Variants in CTU2 observed in about 807,000 individuals in gnomAD.
The protein encoded by CTU2 is cytoplasmic tRNA 2-thiolation protein 2.
In CTU2, 80 loss-of-function variants were observed where a neutral mutation model predicts 64.1. The observed-to-expected ratio is 1.25, with a 90% CI of 1.04 to 1.50. CTU2 has a LOEUF of 1.50. Ranked by LOEUF, CTU2 falls within the 40% of genes most tolerant of loss-of-function variation. The pLI is 0.00. For missense variants in CTU2, 1,110 were observed against 690.2 expected (o/e 1.61, Z -6.81); for synonymous variants, 482 against 285.3 (o/e 1.69, Z -6.95).
Position 88,711,624 on chromosome 16 carries a change from T to G in CTU2, c.283-11T>G. On this transcript the variant is annotated splice_polypyrimidine_tract_variant and intron_variant, in intron 4 of 14. Coordinates refer to ENST00000453996, the MANE Select transcript of CTU2 (RefSeq NM_001012759.3). ...GGCTGGGGGCTGAGTCCCTGCTGCT[T>G]CTCCCTCTAGGGCCTGAGCCAAGAT... The G allele has an allele frequency of 6.3e-7, 1 of 1,592,992 alleles. No individual in the cohort carries two copies. The highest frequency in any genetic ancestry group is 2.3e-5 in the East Asian group (1 of 44,084).
In CTU2 at chr16:88,713,447, G is replaced by C; in HGVS notation, c.873G>C (p.Thr291=). The change falls in exon 8 of 15, where the codon ACG becomes ACC. Residue 291 remains threonine (T), a splice_region_variant and synonymous_variant. Coordinates refer to ENST00000453996, the MANE Select transcript of CTU2 (RefSeq NM_001012759.3). ...GAGGGGCCTTCCTGGCCTGGGATAC[G>C]GTAGGCAGGGGCCTGGGTGTTCAGG... is the stretch of plus-strand genomic sequence containing the variant. ...LGRGAFLAWD[T]GFSDERHGDV... The C allele has an allele frequency of 6.3e-7, 1 of 1,575,520 alleles. No individual in the cohort carries two copies.
intron 6 of CTU2, 87 bp from the exon 7 acceptor site, chr16:88,712,534 CG>C (rs1911416251): frequency 6.5e-7 from 1 of 1,531,680 alleles, no homozygotes; most frequent in Non-Finnish European, 8.8e-7. Context: ...GCCTCACTGC[CG>C]TCTCCCGCAT....
chr16:88,711,346 C>T (rs72811470), intron 4 of CTU2, among the ~76,000 whole-genome samples: 17,356 of 152,102 alleles, frequency 0.11, 1,220 homozygotes, highest in Admixed American at 0.17. Context: ...ACCCAGCCCC[C>T]TCTCCTGGGG....
intron 2 of CTU2, among the ~76,000 whole-genome samples, chr16:88,708,672 C>T (rs752391513): frequency 1.3e-5 from 2 of 152,098 alleles, no homozygotes; most frequent in African/African-American, 2.4e-5. Context: ...GGGGGTCATT[C>T]GGCCTCTTGT....
At chr16:88,706,992 A>G in intron 1 of CTU2, 144 bp from the exon 2 acceptor site, 1 of 758,304 alleles carries the variant, frequency 1.3e-6, no homozygotes, top group South Asian at 1.7e-5. Context: ...TGGACAGAAC[A>G]CAAGCCTGGG....
At chr16:88,707,082 C>T (rs1910920671) in intron 1 of CTU2, 54 bp from the exon 2 acceptor site, 7 of 1,544,800 alleles carry the variant, frequency 4.5e-6, no homozygotes, top group Admixed American at 1.7e-5. Context: ...GCCCACTAGG[C>T]GTGGGGAAGA....
At position 88,710,623 on chromosome 16, in the gene CTU2, A is replaced by G. The variant is rs2142715328; in HGVS notation, c.282+341A>G. On this transcript the variant is annotated intron_variant, in intron 4 of 14. Transcript: ENST00000453996. Reference sequence around the variant, plus strand: ...CAGTGCGTGTGTGCGGCCCACTCTCAGATGTGTTTACAGCAGGTGCACCAA... The same window carrying G: ...CAGTGCGTGTGTGCGGCCCACTCTCGGATGTGTTTACAGCAGGTGCACCAA... The G allele has an allele frequency of 9.8e-6, 3 of 306,200 alleles. 1 individual carries two copies. In the South Asian group the frequency reaches 1.3e-4, roughly 13 times the overall value. 19.0% of individuals were successfully genotyped at this position (306,200 alleles called of 1,614,324 possible).
intron 3 of CTU2, 36 bp downstream of exon 3, chr16:88,710,052 C>CT (rs1911191226): frequency 6.2e-7 from 1 of 1,609,446 alleles, no homozygotes; most frequent in Non-Finnish European, 8.5e-7. Flanking sequence ...ACTGAGCAGC[C>CT]TGGCCCCTCG....
At chr16:88,711,718 C>G (rs765683133) in intron 5 of CTU2, 23 bp downstream of exon 5, 1 of 1,601,550 alleles carries the variant, frequency 6.2e-7, no homozygotes. Context: ...ATTGCTCCTC[C>G]TAGTCCCTGG....
intron 4 of CTU2, 110 bp from the exon 5 acceptor site, chr16:88,711,525 C>A: frequency 1.8e-6 from 2 of 1,109,462 alleles, no homozygotes; most frequent in Admixed American, 2.3e-5. Flanking sequence ...CAGGGGAAGA[C>A]CACTTCACCT....
At chr16:88,708,414 G>A (rs1361408660) in intron 2 of CTU2, among the ~76,000 whole-genome samples, 1 of 151,808 alleles carries the variant, frequency 6.6e-6, no homozygotes, top group Non-Finnish European at 1.5e-5. Flanking sequence ...GACGCAGCAT[G>A]TACACGTGGA....
At chr16:88,711,495 T>G in intron 4 of CTU2, 140 bp from the exon 5 acceptor site, 1 of 831,890 alleles carries the variant, frequency 1.2e-6, no homozygotes, top group Non-Finnish European at 1.8e-6. Flanking sequence ...CTGAATGGCT[T>G]TGTCCAATAA....
rs762193182 is a variant in CTU2, at chr16:88,709,977, C to T, written c.183C>T (p.Ala61=). 2 of 1,614,000 alleles carry T rather than the reference C, an allele frequency of 1.2e-6. No individual in the cohort carries two copies. The highest frequency in any genetic ancestry group is 1.1e-5 in the South Asian group (1 of 91,088). ...CCTTCTACGTCCACAAGTTCAGAGCCATGCTGGGCAAGAACCGGCTCATCT... is the reference window on the plus strand; with the variant it reads ...CCTTCTACGTCCACAAGTTCAGAGCTATGCTGGGCAAGAACCGGCTCATCT... The part of the protein sequence containing the change: ...FKAFYVHKFR[A]MLGKNRLIFP... The change falls in exon 3 of 15, where the codon GCC becomes GCT. Residue 61 remains alanine (A), a synonymous_variant. Coordinates refer to ENST00000453996, the MANE Select transcript of CTU2 (RefSeq NM_001012759.3).
Position 88,714,697 on chromosome 16 carries a change from G to A in CTU2, c.1312G>A (p.Val438Met), listed in dbSNP as rs532092347. ...CCCGGGGCCCTGCTGTTCTCCAGGG[G>A]TGGGCTGGGCCCAGCGCTGTGGCCA... ...TPPGPCCSPG[V>M]GWAQRCGQGA... The change falls in exon 12 of 15, where the codon GTG becomes ATG. Residue 438 changes from valine (V) to methionine (M), a missense_variant. Coordinates refer to ENST00000453996, the MANE Select transcript of CTU2 (RefSeq NM_001012759.3). The A allele has an allele frequency of 1.5e-5, 24 of 1,611,740 alleles. No individual in the cohort carries two copies. The South Asian group carries it at 2.3e-4, about 15-fold the overall frequency.
chr16:88,714,227 GGTGTGGGTGT>G lies in CTU2; in HGVS notation c.1097+14_1097+23del, dbSNP rs1555551063. 0.013 allele frequency: 5,338 copies of G among 418,644 alleles called. 117 individuals carry two copies. The highest frequency in any genetic ancestry group is 0.12 in the African/African-American group (3,744 of 30,456). The allele number at this position is 418,644 out of a possible 1,614,324, so 25.9% of individuals were successfully genotyped here. The stretch of plus-strand genomic sequence containing the variant: ...CCCTCCACTGTCAGCACTGTGTACA[GGTGTGGGTGT>G]GTGTGGGTGTGTGCGGGGGGTGCGC... On this transcript the variant is annotated splice_donor_variant and splice_donor_5th_base_variant and intron_variant, in intron 10 of 14. Coordinates refer to ENST00000453996, the MANE Select transcript of CTU2 (RefSeq NM_001012759.3). LOFTEE classifies it high-confidence loss of function.
rs563558297 is a variant in CTU2 at position 88,713,859 on chromosome 16, C to T, written c.1005+81C>T. 5.2e-4 allele frequency: 810 copies of T among 1,560,916 alleles called. 1 individual carries two copies. The highest frequency in any genetic ancestry group is 6.1e-4 in the Non-Finnish European group (692 of 1,141,780). ...TGGGCTGGGCAGCCTCTCACAGGCT[C>T]AGGTCACCAGCACACCTTCAGTGAC... On this transcript the variant is annotated intron_variant, in intron 9 of 14. Transcript: ENST00000453996.
At chr16:88,708,142 A>G (rs1424129496) in intron 2 of CTU2, among the ~76,000 whole-genome samples, 1 of 152,144 alleles carries the variant, frequency 6.6e-6, no homozygotes, top group African/African-American at 2.4e-5. Context: ...ACCACCCAGG[A>G]GCATCTGAAA....
rs942912304 is a variant in CTU2, at chr16:88,714,225, C to A, written c.1095C>A (p.Tyr365Ter). The A allele has an allele frequency of 1.4e-6, 2 of 1,471,872 alleles. No individual in the cohort carries two copies. The highest frequency in any genetic ancestry group is 2.1e-5 in the Admixed American group (1 of 47,998). The allele number at this position is 1,471,872 out of a possible 1,614,324, so 91.2% of individuals were successfully genotyped here. ...TQFPSTVSTV[Y>*]RTSEKLVKGP... The stretch of plus-strand genomic sequence containing the variant: ...TCCCCTCCACTGTCAGCACTGTGTA[C>A]AGGTGTGGGTGTGTGTGGGTGTGTG... The change falls in exon 10 of 15, where the codon TAC (tyrosine) becomes TAA (stop). Residue 365 changes from tyrosine to a stop codon, truncating the protein, a stop_gained and splice_region_variant. Transcript: ENST00000453996. LOFTEE classifies it high-confidence loss of function.
chr16:88,710,252 G>T lies in CTU2; in HGVS notation c.252G>T (p.Ser84=), dbSNP rs549719454. Residue 84 remains serine (S), a synonymous_variant, in exon 4 of 15, where the codon TCG becomes TCT. Transcript: ENST00000453996. ...KVLLAWSGGP[S]SSSMVWQVLE... ...TCTTGGCGTGGTCTGGGGGGCCTTCGTCCAGCTCCATGGTCTGGCAGGTTC... is the reference window on the plus strand; with the variant it reads ...TCTTGGCGTGGTCTGGGGGGCCTTCTTCCAGCTCCATGGTCTGGCAGGTTC... 15 of 1,614,028 alleles carry T rather than the reference G, an allele frequency of 9.3e-6. No homozygotes were observed. In the Admixed American group the frequency reaches 2.2e-4, roughly 23 times the overall value.
Sources: gnomAD v4.1 joint callset for allele counts (sites outside exome capture counted in the v4.1 genomes callset) on GRCh38, gnomAD v4.1.1 for gene constraint, MANE v1.5 for transcripts, NCBI Gene and HGNC (gene_info 2026-07-23, HGNC 2026-07-21) for gene names.